The following ADAM23 variants were observed in gnomAD, a reference collection of about 807,000 sequenced individuals.
ADAM23 encodes the protein ADAM metallopeptidase domain 23, also known as disintegrin and metalloproteinase domain-containing protein 23.
A neutral mutation model predicts 120.1 loss-of-function variants in ADAM23; 33 were observed. The ratio of observed to expected loss-of-function variants is 0.27; its 90% CI spans 0.21 to 0.37. ADAM23 has a LOEUF of 0.37. ADAM23 is among the 10% of genes least tolerant of loss of function. The pLI, the probability that ADAM23 is intolerant of heterozygous loss-of-function variation, is 1.00. For synonymous variants in ADAM23, 367 were observed against 375.2 expected, an observed-to-expected ratio of 0.98 and a Z score of 0.25; for missense variants, 862 against 1,058.2, an observed-to-expected ratio of 0.81 and a Z score of 2.57.
chr2:206,548,461 CTGT>C, intron 8 of ADAM23, 107 bp downstream of exon 8: 1 of 1,082,254 alleles, frequency 9.2e-7, no homozygotes, highest in Non-Finnish European at 1.3e-6. Flanking sequence ...ATTTTGGGGA[CTGT>C]TGTTTAAAAA....
At chr2:206,445,772 C>T (rs549973092) in intron 2 of ADAM23, among the ~76,000 whole-genome samples, 7 of 152,294 alleles carry the variant, frequency 4.6e-5, no homozygotes, top group Admixed American at 1.3e-4. Flanking sequence ...ATGTATCTTT[C>T]AGGTACATTG....
intron 3 of ADAM23, among the ~76,000 whole-genome samples, chr2:206,511,432 G>A (rs559955977): frequency 6.6e-5 from 10 of 152,318 alleles, no homozygotes; most frequent in East Asian, 1.9e-4. Flanking sequence ...GAAGCAGAGT[G>A]TGGGGAGGAG....
At chr2:206,535,007 T>C (rs1222580143) in intron 4 of ADAM23, among the ~76,000 whole-genome samples, 2 of 152,012 alleles carry the variant, frequency 1.3e-5, no homozygotes, top group South Asian at 2.1e-4. Flanking sequence ...AAGAGTACAT[T>C]CTCTCCACCT....
chr2:206,568,998 C>T (rs560099973), intron 15 of ADAM23, among the ~76,000 whole-genome samples: 2 of 152,282 alleles, frequency 1.3e-5, no homozygotes, highest in African/African-American at 2.4e-5. Flanking sequence ...AAGTCAGTTG[C>T]CTGCCTTTCA....
intron 20 of ADAM23, 74 bp from the exon 21 acceptor site, chr2:206,589,335 T>G (rs1452941446): frequency 7.9e-6 from 10 of 1,273,864 alleles, no homozygotes; most frequent in Non-Finnish European, 1.1e-5. Context: ...TGTTAAACAC[T>G]TACTGGCACA....
rs1021450045 is a variant in ADAM23 at position 206,507,813 on chromosome 2, C to T, written c.510-23072C>T. On this transcript the variant is annotated intron_variant, in intron 3 of 25. Coordinates refer to ENST00000264377, the MANE Select transcript of ADAM23 (RefSeq NM_003812.4). ...TTTTAAGTTTATAGGTGTCTTTAAG[C>T]TTTCCTGGGTCTTTTATTTCCTGAT... 2.6e-5 allele frequency among the ~76,000 whole-genome samples: 4 copies of T among 152,120 alleles called. No homozygotes were observed. The South Asian group carries it at 8.3e-4, about 32-fold the overall frequency.
At chr2:206,544,869 C>T (rs1697363823) in intron 6 of ADAM23, among the ~76,000 whole-genome samples, 2 of 151,904 alleles carry the variant, frequency 1.3e-5, no homozygotes, top group Non-Finnish European at 2.9e-5. Context: ...GGGAAGTCCA[C>T]CAAGAGAAGA....
chr2:206,618,055 T>G lies in ADAM23; in HGVS notation c.*428T>G, dbSNP rs905018479. 6.3e-6 allele frequency: 1 copy of G among 158,122 alleles called. No homozygotes were observed. The highest frequency in any genetic ancestry group is 1.4e-5 in the Non-Finnish European group (1 of 71,938). The allele number at this position is 158,122 out of a possible 1,614,324, so 9.8% of individuals were successfully genotyped here. On this transcript the variant is annotated 3_prime_UTR_variant, in exon 26 of 26. Transcript: ENST00000264377. ...TTTTTCTTTACTACCGATGACAAAC[T>G]CCAGTGGCATGAAGATCTAATTTTC...
chr2:206,496,397 A>G (rs1696248722), intron 3 of ADAM23, among the ~76,000 whole-genome samples: 1 of 152,232 alleles, frequency 6.6e-6, no homozygotes, highest in South Asian at 2.1e-4. Context: ...GCTCCTGAAT[A>G]ACTACTGGGT....
chr2:206,611,763 T>TG (rs1698832045), intron 25 of ADAM23, among the ~76,000 whole-genome samples: 1 of 152,210 alleles, frequency 6.6e-6, no homozygotes, highest in South Asian at 2.1e-4. Flanking sequence ...CATGTTTCTT[T>TG]GGGGAAAAAT....
intron 9 of ADAM23, among the ~76,000 whole-genome samples, chr2:206,556,595 A>T (rs1294484539): frequency 1.3e-5 from 2 of 152,202 alleles, no homozygotes; most frequent in Non-Finnish European, 2.9e-5. Context: ...TGTCCTCTTG[A>T]AGACATTAAG....
Position 206,444,099 on chromosome 2 carries a change from C to G in ADAM23, c.214+19C>G. ...CCCAGCGGTGGGTATGGCCCCGTGCCCTTTGCGTTGGCTTTCCCGCGGGGC... is the reference window on the plus strand; with the variant it reads ...CCCAGCGGTGGGTATGGCCCCGTGCGCTTTGCGTTGGCTTTCCCGCGGGGC... On this transcript the variant is annotated intron_variant, in intron 1 of 25. Coordinates refer to ENST00000264377, the MANE Select transcript of ADAM23 (RefSeq NM_003812.4). 7.7e-7 allele frequency: 1 copy of G among 1,291,108 alleles called. No homozygotes were observed. Among genetic ancestry groups the G allele is most frequent in the Admixed American group, 3.9e-5 (1 of 25,886 alleles). 80.0% of individuals were successfully genotyped at this position (1,291,108 alleles called of 1,614,324 possible).
At chr2:206,566,667 A>G (rs1300513623) in intron 14 of ADAM23, among the ~76,000 whole-genome samples, 2 of 152,206 alleles carry the variant, frequency 1.3e-5, no homozygotes, top group Admixed American at 6.5e-5. Context: ...CACTGTGCAT[A>G]TACATACTAA....
chr2:206,519,678 A>C (rs1365278988), intron 3 of ADAM23, among the ~76,000 whole-genome samples: 1 of 152,150 alleles, frequency 6.6e-6, no homozygotes, highest in African/African-American at 2.4e-5. Context: ...GTATGTTTCT[A>C]ATTGCTACAT....
intron 18 of ADAM23, among the ~76,000 whole-genome samples, chr2:206,573,889 T>TC (rs2105833442): frequency 6.6e-6 from 1 of 152,172 alleles, no homozygotes; most frequent in South Asian, 2.1e-4. Flanking sequence ...AAGGGGGCAT[T>TC]CTGCTGGATG....
intron 12 of ADAM23, 46 bp from the exon 13 acceptor site, chr2:206,562,157 G>A: frequency 1.3e-6 from 2 of 1,482,048 alleles, no homozygotes; most frequent in Non-Finnish European, 1.9e-6. Flanking sequence ...CTAGCTTTGT[G>A]CACTCTCTCA....
intron 18 of ADAM23, among the ~76,000 whole-genome samples, chr2:206,576,860 A>T (rs530786065): frequency 1.3e-5 from 2 of 152,340 alleles, no homozygotes; most frequent in Admixed American, 1.3e-4. Flanking sequence ...TATTTGAAAG[A>T]TAGCAGAAAT....
At chr2:206,606,389 T>C (rs1698729275) in intron 24 of ADAM23, 1 of 152,248 alleles carries the variant, frequency 6.6e-6, no homozygotes, top group Admixed American at 6.5e-5. Flanking sequence ...GGCTGCAGCT[T>C]AATTTTTTAA....
chr2:206,518,900 G>A (rs1274357763), intron 3 of ADAM23, among the ~76,000 whole-genome samples: 1 of 152,172 alleles, frequency 6.6e-6, no homozygotes, highest in African/African-American at 2.4e-5. Flanking sequence ...ATTTGACAAA[G>A]CATGTATCAA....
Sources: gnomAD v4.1 joint callset for allele counts (sites outside exome capture counted in the v4.1 genomes callset) on GRCh38, gnomAD v4.1.1 for gene constraint, MANE v1.5 for transcripts, NCBI Gene and HGNC (gene_info 2026-07-23, HGNC 2026-07-21) for gene names.